TLR5: variants seen among roughly 807,000 people sequenced by gnomAD.
TLR5 encodes toll like receptor 5.
For synonymous variants in TLR5, 373 were observed against 384.4 expected (o/e 0.97, Z 0.35); for missense variants, 944 against 999.8 (o/e 0.94, Z 0.75).
Position 223,111,293 on chromosome 1 carries a change from T to A in TLR5, c.1739A>T (p.Lys580Met). 1 of 1,614,156 alleles carries A rather than the reference T, an allele frequency of 6.2e-7. No individual in the cohort carries two copies. The highest frequency in any genetic ancestry group is 8.5e-7 in the Non-Finnish European group (1 of 1,180,032). Residue 580 changes from lysine (K) to methionine (M), a missense_variant, in exon 6 of 6, where the codon AAG becomes ATG. Coordinates refer to ENST00000642603, the MANE Select transcript of TLR5 (RefSeq NM_003268.6). Reference protein sequence around the residue: ...SLSVLDITHNKFICECELSTF... With the variant: ...SLSVLDITHNMFICECELSTF... ...GCTAAGTTCACATTCACAAATGAACTTGTTATGAGTTATATCCAAGACACT... is the reference window on the plus strand; with the variant it reads ...GCTAAGTTCACATTCACAAATGAACATGTTATGAGTTATATCCAAGACACT...
intron 1 of TLR5, among the ~76,000 whole-genome samples, chr1:223,142,900 T>C (rs1052987101): frequency 1.3e-5 from 2 of 152,130 alleles, no homozygotes; most frequent in African/African-American, 4.8e-5. Flanking sequence ...AGCGAGGATG[T>C]GAGTGACTTC....
At chr1:223,118,099 G>C (rs143441423) in intron 5 of TLR5, among the ~76,000 whole-genome samples, 105 of 152,318 alleles carry the variant, frequency 6.9e-4, no homozygotes, top group African/African-American at 2.4e-3. Flanking sequence ...GTGCAGCTTG[G>C]TTTTATACAT....
intron 5 of TLR5, 74 bp from the exon 6 acceptor site, chr1:223,113,109 G>T: frequency 3.5e-6 from 5 of 1,442,422 alleles, no homozygotes; most frequent in East Asian, 2.3e-5. Context: ...TCAGATCTTG[G>T]GGGTATTCTC....
Position 223,112,331 on chromosome 1 carries a change from G to A in TLR5, c.701C>T (p.Ser234Phe), listed in dbSNP as rs1040045413. ...RNMVLEILDV[S>F]GNGWTVDITG... is the part of the protein sequence containing the mutation. ...GATGTCCACTGTCCAGCCATTTCCAGAAACATCTAGTATCTCCAGCACCAT... is the reference window on the plus strand; with the variant it reads ...GATGTCCACTGTCCAGCCATTTCCAAAAACATCTAGTATCTCCAGCACCAT... Residue 234 changes from serine to phenylalanine, a missense_variant, in exon 6 of 6, where the codon TCT (serine) becomes TTT (phenylalanine). By Grantham distance (155) the Ser-to-Phe change is radical. Transcript: ENST00000642603. 6.2e-7 allele frequency: 1 copy of A among 1,614,094 alleles called. No individual in the cohort carries two copies. The highest frequency in any genetic ancestry group is 8.5e-7 in the Non-Finnish European group (1 of 1,180,050).
intron 2 of TLR5, among the ~76,000 whole-genome samples, chr1:223,139,334 A>G (rs1657744777): frequency 6.6e-6 from 1 of 152,196 alleles, no homozygotes; most frequent in Admixed American, 6.5e-5. Flanking sequence ...TCAAGGATTA[A>G]CTCAATCACT....
chr1:223,142,785 C>A (rs1657935374), intron 1 of TLR5, among the ~76,000 whole-genome samples: 1 of 152,192 alleles, frequency 6.6e-6, no homozygotes, highest in Non-Finnish European at 1.5e-5. Flanking sequence ...CTCTGTCTCC[C>A]TTTTCCAAGG....
At position 223,131,482 on chromosome 1, in the gene TLR5, C is replaced by T. The variant is rs1657392917; in HGVS notation, c.-5+993G>A. Among the ~76,000 whole-genome samples the T allele has an allele frequency of 6.6e-6, 1 of 152,220 alleles. No homozygotes were observed. The highest frequency in any genetic ancestry group is 6.5e-5 in the Admixed American group (1 of 15,284). ...TCATCTGCTCATCCCATTCCAACTC[C>T]CCCGTCAAAGGCCACCTCAGAAGCC... On this transcript the variant is annotated intron_variant, in intron 5 of 5. Coordinates refer to ENST00000642603, the MANE Select transcript of TLR5 (RefSeq NM_003268.6). This position sits in a 1 kb window ranked among gnomAD's most constrained non-coding sequence, Gnocchi z 4.2.
chr1:223,136,253 A>C (rs1168997210), intron 3 of TLR5, among the ~76,000 whole-genome samples: 2 of 152,208 alleles, frequency 1.3e-5, no homozygotes, highest in African/African-American at 4.8e-5. Context: ...GGAAGCAGTG[A>C]GGACTTGCTA....
chr1:223,143,062 A>T (rs1044080931), intron 1 of TLR5, 134 bp downstream of exon 1: 1 of 151,978 alleles, frequency 6.6e-6, no homozygotes, highest in African/African-American at 2.4e-5. Context: ...TTGGACATAG[A>T]CTGGAAAATA....
At position 223,134,783 on chromosome 1, in the gene TLR5, A is replaced by G. The variant is rs749365647; in HGVS notation, c.-271T>C. On this transcript the variant is annotated 5_prime_UTR_variant, in exon 4 of 6. Transcript: ENST00000642603. ...GCTAAATCCTGTGTATTGATGGGCA[A>G]AGTCAATTGCCAGGAAAGCTGGGCA... 2 of 152,348 alleles carry G rather than the reference A, an allele frequency of 1.3e-5. No individual in the cohort carries two copies. Among genetic ancestry groups the G allele is most frequent in the Non-Finnish European group, 2.9e-5 (2 of 68,058 alleles). 9.4% of individuals were successfully genotyped at this position (152,348 alleles called of 1,614,324 possible).
Position 223,111,106 on chromosome 1 carries a change from A to G in TLR5, c.1926T>C (p.Leu642=), listed in dbSNP as rs765184358. The part of the protein sequence containing the change: ...EEVLKSLKFS[L]FIVCTVTLTL... ...TCAGAGTGACAGTGCATACAATGAA[A>G]AGGGAGAACTTTAGGGACTTTAAGA... Residue 642 remains leucine, a synonymous_variant, in exon 6 of 6, where the codon CTT becomes CTC. Transcript: ENST00000642603. 2 of 1,614,166 alleles carry G rather than the reference A, an allele frequency of 1.2e-6. No homozygotes were observed. Among genetic ancestry groups the G allele is most frequent in the Admixed American group, 3.3e-5 (2 of 60,020 alleles).
intron 5 of TLR5, among the ~76,000 whole-genome samples, chr1:223,120,165 C>T (rs1432133879): frequency 6.6e-6 from 1 of 151,728 alleles, no homozygotes; most frequent in Non-Finnish European, 1.5e-5. Flanking sequence ...AATCCCCTTC[C>T]CTTTCCAGGT....
intron 3 of TLR5, among the ~76,000 whole-genome samples, chr1:223,135,659 G>A (rs1657580851): frequency 6.6e-6 from 1 of 152,182 alleles, no homozygotes. Flanking sequence ...AAGGAAACTT[G>A]CTGAGTATCA....
chr1:223,116,072 C>T (rs1279639788), intron 5 of TLR5, among the ~76,000 whole-genome samples: 2 of 152,118 alleles, frequency 1.3e-5, no homozygotes, highest in African/African-American at 4.8e-5. Flanking sequence ...AAATAAATCC[C>T]CTGCCGTGTT....
chr1:223,138,000 C>A (rs1176692444), intron 2 of TLR5, among the ~76,000 whole-genome samples: 1 of 116,430 alleles, frequency 8.6e-6, no homozygotes, highest in African/African-American at 3.6e-5. Context: ...ACTGTATCAC[C>A]CAGACTGGAG....
At position 223,112,744 on chromosome 1, in the gene TLR5, G is replaced by T; in HGVS notation, c.288C>A (p.Asn96Lys). ...TACTTCCCAGGTCCAAGATTCTAAGGTTGGGCAGGTTTCTGAAGGCCTCCT... is the reference window on the plus strand; with the variant it reads ...TACTTCCCAGGTCCAAGATTCTAAGTTTGGGCAGGTTTCTGAAGGCCTCCT... ...IDKEAFRNLP[N>K]LRILDLGSSK... The change falls in exon 6 of 6, where the codon AAC (asparagine) becomes AAA (lysine). Residue 96 changes from asparagine (N) to lysine (K), a missense_variant. By Grantham distance (94) the Asn-to-Lys change is moderately conservative (BLOSUM62 0). Coordinates refer to ENST00000642603, the MANE Select transcript of TLR5 (RefSeq NM_003268.6). 2 of 1,614,150 alleles carry T rather than the reference G, an allele frequency of 1.2e-6. No individual in the cohort carries two copies. The highest frequency in any genetic ancestry group is 1.7e-6 in the Non-Finnish European group (2 of 1,180,036).
At chr1:223,115,995 G>C (rs1210430447) in intron 5 of TLR5, among the ~76,000 whole-genome samples, 1 of 151,972 alleles carries the variant, frequency 6.6e-6, no homozygotes, top group East Asian at 1.9e-4. Flanking sequence ...TCTTCTCTCT[G>C]CTCTTACTGT....
intron 5 of TLR5, chr1:223,123,687 C>G (rs74145738): frequency 6.6e-6 from 1 of 152,348 alleles, no homozygotes; most frequent in African/African-American, 2.4e-5. Flanking sequence ...GAAGTACCAT[C>G]CAAAAAGAAG....
rs373385629 is a variant in TLR5, at chr1:223,111,401, T to C, written c.1631A>G (p.Asn544Ser). The C allele has an allele frequency of 3.7e-6, 6 of 1,614,172 alleles. No homozygotes were observed. Among genetic ancestry groups the C allele is most frequent in the Non-Finnish European group, 4.2e-6 (5 of 1,180,034 alleles). The change falls in exon 6 of 6, where the codon AAT becomes AGT. Residue 544 changes from asparagine to serine, a missense_variant. By Grantham distance (46) the Asn-to-Ser change is conservative. Transcript: ENST00000642603. The part of the protein sequence containing the change: ...NSNRLTVLSH[N>S]DLPANLEILD... ...GATCTCTAAATTAGCAGGTAAATCA[T>C]TGTGAGAAAGAACTGTCAGCCTGTT...
Sources: allele counts gnomAD v4.1 joint callset (sites outside exome capture counted in the v4.1 genomes callset), GRCh38; gene constraint gnomAD v4.1.1; non-coding constraint Gnocchi (gnomAD v3.1); transcripts MANE v1.5; gene names NCBI Gene and HGNC (gene_info 2026-07-23, HGNC 2026-07-21).